Variants in TBC1D26 observed in about 807,000 individuals in gnomAD.
TBC1D26 encodes the protein TBC1 domain family member 26, also known as TBC1 domain family, member 26.
A neutral mutation model predicts 42.5 loss-of-function variants in TBC1D26; 19 were observed. The observed-to-expected ratio is 0.45, with a 90% CI of 0.31 to 0.66. The LOEUF (loss-of-function observed/expected upper bound fraction) is 0.66. Ranked by LOEUF, TBC1D26 falls within the 30% of genes least tolerant of loss-of-function variation. TBC1D26 has a pLI of 0.06. For synonymous variants in TBC1D26, 97 were observed against 123.5 expected (o/e 0.79, Z 1.42); for missense variants, 228 against 332.6 (o/e 0.69, Z 2.45).
Position 15,738,300 on chromosome 17 carries a change from A to G in TBC1D26, c.300A>G (p.Lys100=). The G allele has an allele frequency of 6.2e-7, 1 of 1,613,662 alleles. No individual in the cohort carries two copies. Among genetic ancestry groups the G allele is most frequent in the South Asian group, 1.1e-5 (1 of 91,054 alleles). Residue 100 remains lysine (K), a synonymous_variant, in exon 7 of 15, where the codon AAA becomes AAG. Coordinates refer to ENST00000437605, the MANE Select transcript of TBC1D26 (RefSeq NM_001388465.1). ...STKKLSQRVY[K]VIPLAVRGRA... is the part of the protein sequence containing the mutation. ...TGTAGCTGTCTCAAAGAGTATACAA[A>G]GTCATTCCCCTGGCGGTACGGGGCC...
chr17:15,738,274 C>G lies in TBC1D26; in HGVS notation c.280-6C>G, dbSNP rs759121264. 89 of 1,613,730 alleles carry G rather than the reference C, an allele frequency of 5.5e-5. No individual in the cohort carries two copies. The highest frequency in any genetic ancestry group is 6.9e-5 in the Non-Finnish European group (82 of 1,179,966). On this transcript the variant is annotated splice_polypyrimidine_tract_variant and splice_region_variant and intron_variant, in intron 6 of 14. Transcript: ENST00000437605. ...CTTTCTCACTGGAGTGTTCTTCTGT[C>G]TGTAGCTGTCTCAAAGAGTATACAA...
chr17:15,737,210 G>T (rs1442625939), intron 4 of TBC1D26, among the ~76,000 whole-genome samples: 2 of 152,154 alleles, frequency 1.3e-5, no homozygotes, highest in Admixed American at 6.5e-5. Flanking sequence ...CTCCAGCCCA[G>T]GTGGAGCAGC....
intron 8 of TBC1D26, among the ~76,000 whole-genome samples, chr17:15,739,710 G>C (rs79912107): frequency 6.6e-5 from 10 of 151,878 alleles, no homozygotes; most frequent in Admixed American, 2.6e-4. Flanking sequence ...CAAAGGGGAC[G>C]TGCTGGGGAC....
At chr17:15,738,559 G>A in intron 7 of TBC1D26, 162 bp from the exon 8 acceptor site, 1 of 1,374,644 alleles carries the variant, frequency 7.3e-7, no homozygotes, top group Non-Finnish European at 1.0e-6. Flanking sequence ...GGGCTCTGCT[G>A]ACCCTCCCTG....
intron 11 of TBC1D26, 41 bp downstream of exon 11, chr17:15,742,077 G>A (rs1389784772): frequency 6.4e-7 from 1 of 1,569,078 alleles, no homozygotes; most frequent in Non-Finnish European, 8.7e-7. Flanking sequence ...AGACGCCCTG[G>A]CCCCCATAGG....
At chr17:15,741,646 C>G in intron 10 of TBC1D26, 1 of 494,900 alleles carries the variant, frequency 2.0e-6, no homozygotes, top group East Asian at 3.5e-5. Flanking sequence ...AGCCTGACCC[C>G]CACATCCAAG....
chr17:15,735,048 C>T lies in TBC1D26; in HGVS notation c.-24C>T, dbSNP rs7217168. On this transcript the variant is annotated 5_prime_UTR_variant, in exon 2 of 15. It adds an upstream start codon to the 5' untranslated region. Transcript: ENST00000437605. ...GGGGACTTCACCCTCAGCAAGTGGA[C>T]GCCGTTTGTCCTGCCAGGGCAGGTG... The T allele has an allele frequency of 0.22, 97,614 of 453,798 alleles. 11,577 individuals are homozygous for T. Among genetic ancestry groups the T allele is most frequent in the East Asian group, 0.36 (9,831 of 27,050 alleles). 28.1% of individuals were successfully genotyped at this position (453,798 alleles called of 1,614,324 possible).
At chr17:15,742,542 C>A in intron 12 of TBC1D26, 63 bp downstream of exon 12, 1 of 187,202 alleles carries the variant, frequency 5.3e-6, no homozygotes. Context: ...CCAGCTTCCT[C>A]AGCTCAGGGG....
rs554996088 is a variant in TBC1D26 at position 15,744,422 on chromosome 17, G to A, written c.1237G>A (p.Ala413Thr). 1.3e-5 allele frequency: 2 copies of A among 152,288 alleles called. No homozygotes were observed. Among genetic ancestry groups the A allele is most frequent in the African/African-American group, 4.8e-5 (2 of 41,580 alleles). 9.4% of individuals were successfully genotyped at this position (152,288 alleles called of 1,614,324 possible). A position where few individuals can be genotyped will look rare whatever the true frequency, so the allele number is the denominator to read the frequency against. Residue 413 changes from alanine to threonine, a missense_variant, in exon 15 of 15, where the codon GCA (alanine) becomes ACA (threonine). Transcript: ENST00000437605. ...AQKRRNEGQP[A>T]ADQSQKEMKC... ...AAAAAGGAGGAACGAGGGTCAACCA[G>A]CAGCAGACCAGTCACAAAAAGAGAT...
chr17:15,733,558 C>T (rs1035140790), intron 1 of TBC1D26, among the ~76,000 whole-genome samples: 3 of 152,206 alleles, frequency 2.0e-5, no homozygotes, highest in Non-Finnish European at 4.4e-5. Flanking sequence ...GGCCACAGGC[C>T]TCAAGGGAAG....
rs201513623 is a variant in TBC1D26, at chr17:15,738,326, G to C, written c.326G>C (p.Arg109Pro). 5.1e-5 allele frequency: 83 copies of C among 1,613,712 alleles called. 2 individuals are homozygous for C. In the South Asian group the frequency reaches 8.6e-4, roughly 17 times the overall value. The change falls in exon 7 of 15, where the codon CGG (arginine) becomes CCG (proline). Residue 109 changes from arginine (R) to proline (P), a missense_variant. This residue lies in a region of TBC1D26 where 72 missense variants were observed against 90.1 expected (regional missense o/e 0.80). Coordinates refer to ENST00000437605, the MANE Select transcript of TBC1D26 (RefSeq NM_001388465.1). ...YKVIPLAVRG[R>P]AWSLLLDIDR... ...GTCATTCCCCTGGCGGTACGGGGCC[G>C]GGCGTGGTCACTTTTGCTAGATATT...
chr17:15,738,745 T>C lies in TBC1D26; in HGVS notation c.412T>C (p.Ser138Pro). Residue 138 changes from serine to proline, a missense_variant, in exon 8 of 15, where the codon TCC becomes CCC. By Grantham distance (74) the Ser-to-Pro change is moderately conservative. Transcript: ENST00000437605. ...GGTCATGAAGGAGAAGGGCAAGAGG[T>C]CCTCCAGAATCATCCACTGCATCCA... ...YKVMKEKGKR[S>P]SRIIHCIQLD... The C allele has an allele frequency of 6.2e-7, 1 of 1,613,764 alleles. No individual in the cohort carries two copies.
Position 15,741,934 on chromosome 17 carries a change from C to T in TBC1D26, c.647-8C>T, listed in dbSNP as rs1369904081. The T allele has an allele frequency of 2.8e-5, 45 of 1,613,694 alleles. No homozygotes were observed. In the East Asian group the frequency reaches 1.0e-3, roughly 36 times the overall value. On this transcript the variant is annotated splice_polypyrimidine_tract_variant and splice_region_variant and intron_variant, in intron 10 of 14. Transcript: ENST00000437605. Reference sequence around the variant, plus strand: ...GTCTGATGGGGTGATGGGTCGCGGGCTTCTCAGTATTCTACAGCCCAAATA... The same window carrying T: ...GTCTGATGGGGTGATGGGTCGCGGGTTTCTCAGTATTCTACAGCCCAAATA...
At position 15,741,945 on chromosome 17, in the gene TBC1D26, T is replaced by C. The variant is rs1343566417; in HGVS notation, c.650T>C (p.Phe217Ser). The C allele has an allele frequency of 1.2e-6, 2 of 1,613,862 alleles. No individual in the cohort carries two copies. Among genetic ancestry groups the C allele is most frequent in the African/African-American group, 2.7e-5 (2 of 74,910 alleles). Residue 217 changes from phenylalanine to serine, a missense_variant, in exon 11 of 15, where the codon TTC becomes TCC. Physicochemically the swap from Phe to Ser is radical, Grantham distance 155. Transcript: ENST00000437605. ...TGATGGGTCGCGGGCTTCTCAGTATTCTACAGCCCAAATACTGCCTGGCTC... is the reference window on the plus strand; with the variant it reads ...TGATGGGTCGCGGGCTTCTCAGTATCCTACAGCCCAAATACTGCCTGGCTC... ...FWALTQLLAV[F>S]YSPNTAWLER...
At chr17:15,742,319 G>C in intron 11 of TBC1D26, 95 bp from the exon 12 acceptor site, 1 of 477,524 alleles carries the variant, frequency 2.1e-6, no homozygotes, top group Non-Finnish European at 3.8e-6. Flanking sequence ...ACCGCCCTGG[G>C]TTGTGCCATT....
intron 13 of TBC1D26, 135 bp from the exon 14 acceptor site, chr17:15,743,232 T>A: frequency 4.6e-6 from 1 of 219,204 alleles, no homozygotes; most frequent in Non-Finnish European, 7.8e-6. Context: ...TGTAGCCTCC[T>A]GTGCACAGCT....
At position 15,741,949 on chromosome 17, in the gene TBC1D26, C is replaced by T; in HGVS notation, c.654C>T (p.Tyr218=). ...WALTQLLAVF[Y]SPNTAWLERL... ...GGGTCGCGGGCTTCTCAGTATTCTACAGCCCAAATACTGCCTGGCTCGAGA... is the reference window on the plus strand; with the variant it reads ...GGGTCGCGGGCTTCTCAGTATTCTATAGCCCAAATACTGCCTGGCTCGAGA... The change falls in exon 11 of 15, where the codon TAC becomes TAT. Residue 218 remains tyrosine, a synonymous_variant. Transcript: ENST00000437605. 1 of 1,614,064 alleles carries T rather than the reference C, an allele frequency of 6.2e-7. No homozygotes were observed.
At chr17:15,743,705 T>A (rs1162819005) in intron 14 of TBC1D26, 189 bp downstream of exon 14, 1 of 154,526 alleles carries the variant, frequency 6.5e-6, no homozygotes, top group Non-Finnish European at 1.4e-5. Context: ...ACACCTGTAA[T>A]CCTAGCACTT....
At chr17:15,740,016 T>A in intron 8 of TBC1D26, 84 bp from the exon 9 acceptor site, 1 of 1,526,670 alleles carries the variant, frequency 6.6e-7, no homozygotes, top group South Asian at 1.3e-5. Flanking sequence ...AGAATTGTGT[T>A]CGTTATTTGG....
Sources: allele counts gnomAD v4.1 joint callset (sites outside exome capture counted in the v4.1 genomes callset), GRCh38; gene constraint gnomAD v4.1.1; regional missense constraint gnomAD v4.1.1; transcripts MANE v1.5; gene names NCBI Gene and HGNC (gene_info 2026-07-23, HGNC 2026-07-21).